Variants in XIRP2 observed in about 807,000 individuals in gnomAD.
XIRP2 encodes xin actin binding repeat containing 2, also known as xin actin-binding repeat-containing protein 2.
A neutral mutation model predicts 277.0 loss-of-function variants in XIRP2; 236 were observed. The observed-to-expected ratio is 0.85, with a 90% CI of 0.77 to 0.95. The LOEUF (loss-of-function observed/expected upper bound fraction) is 0.95, where lower values mean the gene tolerates loss of function less well. Among genes scored for constraint, XIRP2 ranks in the 40% least tolerant of loss-of-function variants. The pLI is 0.00. For missense variants in XIRP2, 4,640 were observed against 4,157.5 expected (o/e 1.12, Z -3.19); for synonymous variants, 1,490 against 1,416.5 (o/e 1.05, Z -1.17).
chr2:167,141,744 C>G (rs920094116), intron 3 of XIRP2, among the ~76,000 whole-genome samples: 1 of 151,946 alleles, frequency 6.6e-6, no homozygotes, highest in Non-Finnish European at 1.5e-5. Flanking sequence ...ACCTGTAGAC[C>G]CAGCTACCAG....
chr2:167,045,592 T>G (rs1688766368), intron 2 of XIRP2, among the ~76,000 whole-genome samples: 1 of 151,938 alleles, frequency 6.6e-6, no homozygotes, highest in Non-Finnish European at 1.5e-5. Flanking sequence ...TGAACAATTT[T>G]TAAAAGAAAA....
intron 2 of XIRP2, among the ~76,000 whole-genome samples, chr2:167,099,716 T>A (rs1690436805): frequency 6.6e-6 from 1 of 152,086 alleles, no homozygotes; most frequent in Non-Finnish European, 1.5e-5. Flanking sequence ...GATAGCACCA[T>A]CCCTCACGGC....
rs1695176616 is a variant in XIRP2, at chr2:167,244,337, T to C, written c.2945T>C (p.Leu982Pro). ...GGTGCTGTAGAGTTAAATAAATCTC[T>C]CTTCGAGACAACACCACTGTATGCC... ...TRGAVELNKS[L>P]FETTPLYAIQ... The change falls in exon 9 of 11, where the codon CTC becomes CCC. Residue 982 changes from leucine to proline, a missense_variant. Leu to Pro is a moderately conservative substitution (Grantham distance 98). Transcript: ENST00000409195. The C allele has an allele frequency of 1.2e-6, 2 of 1,613,662 alleles. No homozygotes were observed. The highest frequency in any genetic ancestry group is 2.7e-5 in the African/African-American group (2 of 74,892).
chr2:167,049,911 T>C (rs1226461735), intron 2 of XIRP2, among the ~76,000 whole-genome samples: 2 of 152,088 alleles, frequency 1.3e-5, no homozygotes, highest in Non-Finnish European at 2.9e-5. Flanking sequence ...AGTTTTGCTT[T>C]AGCTACGGCT....
In XIRP2 at chr2:167,063,537, G is replaced by A. The variant is rs530147522; in HGVS notation, c.409-72372G>A. On this transcript the variant is annotated intron_variant, in intron 2 of 10. Coordinates refer to ENST00000409195, the MANE Select transcript of XIRP2 (RefSeq NM_152381.6). ...TACAATTGCAGGATTATTTCTGTTT[G>A]CATGGGATGTAATTTGCTTATTTTT... Among the ~76,000 whole-genome samples the A allele has an allele frequency of 7.2e-5, 11 of 151,960 alleles. No homozygotes were observed. The East Asian group carries it at 1.9e-3, about 27-fold the overall frequency.
rs556688924 is a variant in XIRP2, at chr2:166,987,501, AAAT to A, written c.408+83619_408+83621del. ...GGGTAAATATAAATGAAAACATTATAAATAATAATATTTTCACTGTCAAGTCAT... is the reference window on the plus strand; with the variant it reads ...GGGTAAATATAAATGAAAACATTATAAATAATATTTTCACTGTCAAGTCAT... On this transcript the variant is annotated intron_variant, in intron 2 of 10. Transcript: ENST00000409195. Among the ~76,000 whole-genome samples the A allele has an allele frequency of 1.2e-4, 19 of 152,352 alleles. No homozygotes were observed. The East Asian group carries it at 3.5e-3, about 28-fold the overall frequency.
chr2:166,986,539 G>A (rs978999765), intron 2 of XIRP2, among the ~76,000 whole-genome samples: 5 of 152,204 alleles, frequency 3.3e-5, no homozygotes, highest in Non-Finnish European at 5.9e-5. Context: ...AGTATAAAGG[G>A]CACCAAACCA....
intron 2 of XIRP2, among the ~76,000 whole-genome samples, chr2:166,914,330 C>T (rs1412668913): frequency 6.6e-6 from 1 of 151,842 alleles, no homozygotes; most frequent in Non-Finnish European, 1.5e-5. Context: ...AAATGTGTGC[C>T]ATATTTTTTT....
At chr2:167,039,060 AG>A (rs1018629530) in intron 2 of XIRP2, among the ~76,000 whole-genome samples, 3 of 152,148 alleles carry the variant, frequency 2.0e-5, no homozygotes, top group Admixed American at 2.0e-4. Context: ...TGCTTTCCCA[AG>A]AACGATTTGG....
intron 2 of XIRP2, among the ~76,000 whole-genome samples, chr2:166,911,539 C>A (rs1055181933): frequency 1.3e-5 from 2 of 152,146 alleles, no homozygotes; most frequent in South Asian, 4.1e-4. Context: ...ATACAGCAAC[C>A]TGATGGGTCT....
chr2:167,013,839 G>A (rs1687748437), intron 2 of XIRP2, among the ~76,000 whole-genome samples: 1 of 150,708 alleles, frequency 6.6e-6, no homozygotes, highest in Admixed American at 6.7e-5. Context: ...TAGGTCCAAG[G>A]TTTTTCTTTT....
intron 2 of XIRP2, among the ~76,000 whole-genome samples, chr2:167,033,343 A>G (rs546793750): frequency 1.1e-3 from 166 of 152,228 alleles, no homozygotes; most frequent in African/African-American, 3.5e-3. Flanking sequence ...AATGTAGATG[A>G]GGGGTTAATG....
At chr2:166,894,177 C>A (rs1482640613) in intron 1 of XIRP2, among the ~76,000 whole-genome samples, 2 of 152,132 alleles carry the variant, frequency 1.3e-5, no homozygotes, top group African/African-American at 4.8e-5. Context: ...ATAATTCTTA[C>A]AATGACAGAG....
intron 2 of XIRP2, among the ~76,000 whole-genome samples, chr2:166,940,294 T>G (rs1228251920): frequency 6.6e-6 from 1 of 152,252 alleles, no homozygotes; most frequent in Non-Finnish European, 1.5e-5. Context: ...TTTTCAGCTC[T>G]ATCATGTCAT....
chr2:167,093,833 G>A (rs1224257375), intron 2 of XIRP2, among the ~76,000 whole-genome samples: 2 of 152,104 alleles, frequency 1.3e-5, no homozygotes, highest in African/African-American at 4.8e-5. Context: ...TATATACCCA[G>A]TAATGGGATT....
rs187852099 is a variant in XIRP2 at position 167,050,283 on chromosome 2, A to G, written c.409-85626A>G. Among the ~76,000 whole-genome samples, 27 of 152,206 alleles carry G rather than the reference A, an allele frequency of 1.8e-4. No homozygotes were observed. In the East Asian group the frequency reaches 3.7e-3, roughly 21 times the overall value. Reference sequence around the variant, plus strand: ...ATCCAATGATTTAGGTGAGATTTTAACAGTAATTTAATCTAAATTCACTAA... The same window carrying G: ...ATCCAATGATTTAGGTGAGATTTTAGCAGTAATTTAATCTAAATTCACTAA... On this transcript the variant is annotated intron_variant, in intron 2 of 10. Transcript: ENST00000409195.
intron 3 of XIRP2, 101 bp downstream of exon 3, chr2:167,136,163 G>A: frequency 5.0e-6 from 6 of 1,195,598 alleles, no homozygotes; most frequent in South Asian, 2.3e-5. Flanking sequence ...AAATTAGTAA[G>A]GAAAATAATG....
chr2:167,139,798 A>G (rs967415609), intron 3 of XIRP2, among the ~76,000 whole-genome samples: 1 of 152,204 alleles, frequency 6.6e-6, no homozygotes, highest in African/African-American at 2.4e-5. Context: ...GCGGTCCAAT[A>G]TGGTAACCAC....
At chr2:167,071,084 T>A (rs1015907269) in intron 2 of XIRP2, among the ~76,000 whole-genome samples, 4 of 152,156 alleles carry the variant, frequency 2.6e-5, no homozygotes, top group African/African-American at 9.7e-5. Flanking sequence ...AAAATTTATC[T>A]CAATCCCAAA....
Sources: allele counts gnomAD v4.1 joint callset (sites outside exome capture counted in the v4.1 genomes callset), GRCh38; gene constraint gnomAD v4.1.1; transcripts MANE v1.5; gene names NCBI Gene and HGNC (gene_info 2026-07-23, HGNC 2026-07-21).